Variants in SPOCK3 observed in about 807,000 individuals in gnomAD.
The protein encoded by SPOCK3 is SPARC (osteonectin), cwcv and kazal like domains proteoglycan 3, also known as testican-3.
A neutral mutation model predicts 56.6 loss-of-function variants in SPOCK3; 30 were observed. The observed-to-expected ratio is 0.53, with a 90% CI of 0.40 to 0.72. The LOEUF (loss-of-function observed/expected upper bound fraction) is 0.72, where lower values mean the gene tolerates loss of function less well. Ranked by LOEUF, SPOCK3 falls within the 30% of genes least tolerant of loss-of-function variation. The pLI is 0.00. For synonymous variants in SPOCK3, 196 were observed against 183.3 expected (o/e 1.07, Z -0.56); for missense variants, 527 against 530.0 (o/e 0.99, Z 0.06).
intron 2 of SPOCK3, among the ~76,000 whole-genome samples, chr4:167,209,565 A>G (rs1232277658): frequency 1.3e-5 from 2 of 152,092 alleles, no homozygotes; most frequent in Non-Finnish European, 2.9e-5. Flanking sequence ...ACTTTCCTTA[A>G]AGAGCTCCTG....
chr4:166,736,019 C>A (rs973473074), intron 10 of SPOCK3, among the ~76,000 whole-genome samples: 1 of 151,980 alleles, frequency 6.6e-6, no homozygotes, highest in Admixed American at 6.6e-5. Flanking sequence ...CAAATGCTAG[C>A]GTGGATTTAT....
intron 6 of SPOCK3, among the ~76,000 whole-genome samples, chr4:166,861,434 C>A (rs1731237893): frequency 6.6e-6 from 1 of 152,062 alleles, no homozygotes; most frequent in Non-Finnish European, 1.5e-5. Flanking sequence ...AAGCAAATCC[C>A]AATTTATTGA....
chr4:167,234,765 G>T (rs993595622), upstream of SPOCK3: 1 of 156,888 alleles, frequency 6.4e-6, no homozygotes. Flanking sequence ...GGACGAGGTA[G>T]CTCCTAGCCT....
chr4:167,150,446 G>A (rs978395435), intron 2 of SPOCK3, among the ~76,000 whole-genome samples: 1 of 152,146 alleles, frequency 6.6e-6, no homozygotes, highest in Admixed American at 6.6e-5. Context: ...GAAAGGTAGG[G>A]AAAGGCGAGG....
intron 2 of SPOCK3, among the ~76,000 whole-genome samples, chr4:167,164,774 C>CT (rs1240745123): frequency 6.6e-6 from 1 of 152,116 alleles, no homozygotes; most frequent in Non-Finnish European, 1.5e-5. Context: ...TTATCTTATC[C>CT]TTTTTTATGG....
Position 166,948,298 on chromosome 4 carries a change from T to G in SPOCK3, c.351-35555A>C, listed in dbSNP as rs369540230. Among the ~76,000 whole-genome samples the G allele has an allele frequency of 2.7e-4, 41 of 152,348 alleles. No individual in the cohort carries two copies. In the South Asian group the frequency reaches 8.5e-3, roughly 32 times the overall value. The stretch of plus-strand genomic sequence containing the variant: ...GATTGATTCCATATCTTGGCTATTG[T>G]GAATAGTAGTGCAATAAACATGGGA... On this transcript the variant is annotated intron_variant, in intron 4 of 10. Coordinates refer to ENST00000357545, the MANE Select transcript of SPOCK3 (RefSeq NM_001040159.2).
chr4:167,176,732 G>A (rs1049236611), intron 2 of SPOCK3, among the ~76,000 whole-genome samples: 1 of 152,104 alleles, frequency 6.6e-6, no homozygotes, highest in Non-Finnish European at 1.5e-5. Flanking sequence ...GAACTGGACA[G>A]GGTAGAAATA....
At chr4:166,918,645 A>T (rs1054296364) in intron 4 of SPOCK3, among the ~76,000 whole-genome samples, 2 of 152,152 alleles carry the variant, frequency 1.3e-5, no homozygotes, top group African/African-American at 2.4e-5. Flanking sequence ...CAAAAAAACA[A>T]TTTTTAAACA....
intron 6 of SPOCK3, among the ~76,000 whole-genome samples, chr4:166,798,323 ACT>A (rs1484587195): frequency 6.6e-6 from 1 of 151,956 alleles, no homozygotes; most frequent in African/African-American, 2.4e-5. Context: ...CAGTTGATTT[ACT>A]CTCTTGTTTT....
chr4:167,209,334 T>C (rs1179303067), intron 2 of SPOCK3, among the ~76,000 whole-genome samples: 1 of 152,098 alleles, frequency 6.6e-6, no homozygotes, highest in Non-Finnish European at 1.5e-5. Context: ...TTAAACTAGG[T>C]TTTGATGGAT....
intron 2 of SPOCK3, among the ~76,000 whole-genome samples, chr4:167,200,227 T>C (rs1733385358): frequency 6.6e-6 from 1 of 152,066 alleles, no homozygotes. Context: ...GAAATCCTGC[T>C]TAAACAGATG....
chr4:166,951,189 C>G (rs1351517571), intron 4 of SPOCK3, among the ~76,000 whole-genome samples: 1 of 142,822 alleles, frequency 7.0e-6, no homozygotes, highest in Non-Finnish European at 1.5e-5. Flanking sequence ...AGACTGCTAG[C>G]AAGACTAATA....
At chr4:167,037,416 A>C (rs1485799607) in intron 3 of SPOCK3, among the ~76,000 whole-genome samples, 1 of 149,382 alleles carries the variant, frequency 6.7e-6, no homozygotes, top group Non-Finnish European at 1.5e-5. Context: ...CTGGGGGCGG[A>C]GGTTGCAGTG....
intron 9 of SPOCK3, among the ~76,000 whole-genome samples, chr4:166,739,990 C>A (rs7694002): frequency 0.46 from 70,346 of 152,098 alleles, 16,848 homozygotes; most frequent in African/African-American, 0.52. Flanking sequence ...AAAAAATTCA[C>A]TGTTGTCACA....
chr4:166,911,353 C>T (rs1737246062), intron 5 of SPOCK3, among the ~76,000 whole-genome samples: 1 of 152,018 alleles, frequency 6.6e-6, no homozygotes, highest in South Asian at 2.1e-4. Context: ...TTTGCTCAGA[C>T]AGATTATGAT....
At chr4:167,205,576 A>C in intron 2 of SPOCK3, among the ~76,000 whole-genome samples, 2 of 82,890 alleles carry the variant, frequency 2.4e-5, no homozygotes, top group African/African-American at 9.8e-5. Flanking sequence ...TATATATATA[A>C]TATAATATAA....
chr4:167,105,089 A>C (rs1461534939), intron 2 of SPOCK3, among the ~76,000 whole-genome samples: 1 of 152,096 alleles, frequency 6.6e-6, no homozygotes, highest in Non-Finnish European at 1.5e-5. Context: ...AACCAGATCT[A>C]TCCTACAAGA....
intron 2 of SPOCK3, among the ~76,000 whole-genome samples, chr4:167,149,891 T>C (rs924816065): frequency 2.0e-5 from 3 of 151,862 alleles, no homozygotes; most frequent in South Asian, 2.1e-4. Flanking sequence ...GATGCAGAGA[T>C]GTGAGTTTGA....
chr4:166,903,415 A>G (rs1009751723), intron 5 of SPOCK3, among the ~76,000 whole-genome samples: 1 of 151,996 alleles, frequency 6.6e-6, no homozygotes, highest in Non-Finnish European at 1.5e-5. Flanking sequence ...CAAAAGCATC[A>G]ACATTATACC....
Sources: allele counts gnomAD v4.1 joint callset (sites outside exome capture counted in the v4.1 genomes callset), GRCh38; gene constraint gnomAD v4.1.1; transcripts MANE v1.5; gene names NCBI Gene and HGNC (gene_info 2026-07-23, HGNC 2026-07-21).